SEMA6D: variants seen among roughly 807,000 people sequenced by gnomAD.
SEMA6D encodes the protein semaphorin 6D, also known as semaphorin-6D.
In SEMA6D, 35 loss-of-function variants were observed where a neutral mutation model predicts 106.6. The observed-to-expected ratio is 0.33, with a 90% CI of 0.25 to 0.44. SEMA6D has a LOEUF of 0.44. SEMA6D is among the 20% of genes least tolerant of loss of function. The probability of loss-of-function intolerance (pLI) is 1.00; values close to 1 mark genes in which losing one functional copy is unlikely to be tolerated. For synonymous variants in SEMA6D, 499 were observed against 487.7 expected (o/e 1.02, Z -0.31); for missense variants, 1,185 against 1,345.9 (o/e 0.88, Z 1.87).
intron 2 of SEMA6D, among the ~76,000 whole-genome samples, chr15:47,444,389 G>C (rs1469538193): frequency 6.6e-6 from 1 of 152,122 alleles, no homozygotes. Context: ...AGGGAGTAAA[G>C]AATAGCTGAG....
At chr15:47,481,000 G>C (rs191222340) in intron 3 of SEMA6D, among the ~76,000 whole-genome samples, 39 of 152,156 alleles carry the variant, frequency 2.6e-4, no homozygotes, top group Non-Finnish European at 1.2e-4. Flanking sequence ...TACCATTATA[G>C]TCAAATTATA....
intron 1 of SEMA6D, among the ~76,000 whole-genome samples, chr15:47,228,697 G>A (rs1277972918): frequency 3.3e-5 from 5 of 151,910 alleles, no homozygotes; most frequent in African/African-American, 1.2e-4. Context: ...GACAAGTGGA[G>A]TTTTTTTAAG....
intron 2 of SEMA6D, among the ~76,000 whole-genome samples, chr15:47,426,849 G>C (rs2140481313): frequency 6.6e-6 from 1 of 152,196 alleles, no homozygotes; most frequent in African/African-American, 2.4e-5. Flanking sequence ...GTAATGAACT[G>C]TATAAATTAC....
intron 1 of SEMA6D, among the ~76,000 whole-genome samples, chr15:47,301,728 G>A (rs890228783): frequency 1.3e-4 from 20 of 152,214 alleles, no homozygotes; most frequent in African/African-American, 4.8e-4. Flanking sequence ...GCTGTGAGAG[G>A]GAGGAAACGA....
chr15:47,379,109 G>A (rs1417566800), intron 1 of SEMA6D, among the ~76,000 whole-genome samples: 2 of 152,114 alleles, frequency 1.3e-5, no homozygotes, highest in East Asian at 3.9e-4. Flanking sequence ...AACTTATAAA[G>A]CCTTTATTGA....
intron 4 of SEMA6D, among the ~76,000 whole-genome samples, chr15:47,654,678 G>A (rs2077757991): frequency 6.6e-6 from 1 of 152,140 alleles, no homozygotes; most frequent in Non-Finnish European, 1.5e-5. Context: ...TGAATTCCCA[G>A]GAGACCTAGT....
intron 1 of SEMA6D, among the ~76,000 whole-genome samples, chr15:47,367,084 A>T (rs1318966961): frequency 1.3e-5 from 2 of 152,178 alleles, no homozygotes; most frequent in Non-Finnish European, 2.9e-5. Flanking sequence ...TAACGGAATT[A>T]ATAATAGCAT....
At chr15:47,712,262 C>T (rs966275555) in intron 4 of SEMA6D, among the ~76,000 whole-genome samples, 5 of 152,098 alleles carry the variant, frequency 3.3e-5, no homozygotes, top group African/African-American at 1.2e-4. Flanking sequence ...TGGGTTTTTA[C>T]ATTTATTTCC....
At chr15:47,255,015 T>A (rs563074607) in intron 1 of SEMA6D, among the ~76,000 whole-genome samples, 1 of 152,196 alleles carries the variant, frequency 6.6e-6, no homozygotes, top group African/African-American at 2.4e-5. Context: ...AAGAAGAATT[T>A]GTATTAGTTC....
At chr15:47,744,229 T>C (rs189887423) in intron 1 of SEMA6D, among the ~76,000 whole-genome samples, 50 of 152,210 alleles carry the variant, frequency 3.3e-4, no homozygotes, top group African/African-American at 1.1e-3. Flanking sequence ...GATAGACATA[T>C]TTGCTTTGAA....
At chr15:47,203,600 G>C (rs1401892659) in intron 1 of SEMA6D, among the ~76,000 whole-genome samples, 1 of 151,966 alleles carries the variant, frequency 6.6e-6, no homozygotes, top group Non-Finnish European at 1.5e-5. Flanking sequence ...CAACCATCTG[G>C]CCCATCTTTG....
chr15:47,534,628 T>C (rs2045094819), intron 3 of SEMA6D, among the ~76,000 whole-genome samples: 1 of 152,230 alleles, frequency 6.6e-6, no homozygotes, highest in Non-Finnish European at 1.5e-5. Flanking sequence ...AATGCTCATG[T>C]AAATAAGTAG....
chr15:47,750,072 G>A (rs2081348588), intron 1 of SEMA6D, among the ~76,000 whole-genome samples: 1 of 152,132 alleles, frequency 6.6e-6, no homozygotes, highest in Non-Finnish European at 1.5e-5. Context: ...GGCTACAAAT[G>A]TAATGAAAAG....
At chr15:47,649,818 G>A (rs907354410) in intron 4 of SEMA6D, among the ~76,000 whole-genome samples, 2 of 137,008 alleles carry the variant, frequency 1.5e-5, no homozygotes, top group African/African-American at 3.7e-5. Context: ...ACAATAGCTC[G>A]TGGAGGCAGT....
At chr15:47,270,690 G>A (rs1289986195) in intron 1 of SEMA6D, among the ~76,000 whole-genome samples, 3 of 152,092 alleles carry the variant, frequency 2.0e-5, no homozygotes, top group East Asian at 1.9e-4. Flanking sequence ...TCAACCCATC[G>A]TTTTAAAAAA....
intron 1 of SEMA6D, among the ~76,000 whole-genome samples, chr15:47,249,539 G>A (rs917103682): frequency 6.6e-6 from 1 of 151,770 alleles, no homozygotes; most frequent in African/African-American, 2.4e-5. Context: ...AATGTCCTGG[G>A]TTCTAGGGTT....
intron 3 of SEMA6D, among the ~76,000 whole-genome samples, chr15:47,502,379 G>T (rs1304649454): frequency 6.6e-6 from 1 of 152,084 alleles, no homozygotes; most frequent in Non-Finnish European, 1.5e-5. Context: ...ACAGAAAGTG[G>T]GCTCCTCTGG....
intron 1 of SEMA6D, among the ~76,000 whole-genome samples, chr15:47,204,594 T>A (rs569378065): frequency 6.6e-6 from 1 of 152,214 alleles, no homozygotes; most frequent in Non-Finnish European, 1.5e-5. Context: ...GACACTAGGA[T>A]AATGCAATAT....
In SEMA6D at chr15:47,376,698, AGGTTACACG is replaced by A. The variant is rs997858016; in HGVS notation, c.-238-35694_-238-35686del. Among the ~76,000 whole-genome samples the A allele has an allele frequency of 4.6e-5, 7 of 152,310 alleles. No homozygotes were observed. The South Asian group carries it at 8.3e-4, about 18-fold the overall frequency. ...AGCTGGGGAGCACTGGCTCTTTATT[AGGTTACACG>A]TTACTGTAGGGATGGCCAGAAATGT... On this transcript the variant is annotated intron_variant, in intron 1 of 19. Coordinates refer to the SEMA6D transcript ENST00000558014.
Sources: gnomAD v4.1 joint callset for allele counts (sites outside exome capture counted in the v4.1 genomes callset) on GRCh38, gnomAD v4.1.1 for gene constraint, MANE v1.5 for transcripts, NCBI Gene and HGNC (gene_info 2026-07-23, HGNC 2026-07-21) for gene names.